The following SHANK2 variants were observed in gnomAD, a reference collection of about 807,000 sequenced individuals.
The protein encoded by SHANK2 is SH3 and multiple ankyrin repeat domains protein 2.
SHANK2 carries 43 observed loss-of-function variants against 133.7 expected under a neutral mutation model. The ratio of observed to expected loss-of-function variants is 0.32; its 90% CI spans 0.25 to 0.41. The LOEUF (loss-of-function observed/expected upper bound fraction) is 0.41, where lower values mean the gene tolerates loss of function less well. Among genes scored for constraint, SHANK2 ranks in the 10% least tolerant of loss-of-function variants. SHANK2 has a pLI of 1.00. For missense variants in SHANK2, 1,994 were observed against 2,235.8 expected, an observed-to-expected ratio of 0.89 and a Z score of 2.18; for synonymous variants, 1,017 against 952.8, an observed-to-expected ratio of 1.07 and a Z score of -1.24.
At chr11:70,615,686 C>T (rs1376638244) in intron 17 of SHANK2, among the ~76,000 whole-genome samples, 1 of 152,204 alleles carries the variant, frequency 6.6e-6, no homozygotes, top group African/African-American at 2.4e-5. Context: ...GGGCGGCTGG[C>T]TCACCAGGCT....
intron 1 of SHANK2, among the ~76,000 whole-genome samples, chr11:71,230,185 G>A (rs1954718464): frequency 6.6e-6 from 1 of 152,112 alleles, no homozygotes. Context: ...AGCTACTTGG[G>A]AGGCGGAGGC....
At chr11:70,491,269 T>G (rs905770716) in intron 22 of SHANK2, among the ~76,000 whole-genome samples, 1 of 152,232 alleles carries the variant, frequency 6.6e-6, no homozygotes, top group African/African-American at 2.4e-5. Context: ...CAGCCTCTGT[T>G]TGTCTCACTC....
intron 14 of SHANK2, among the ~76,000 whole-genome samples, chr11:70,787,370 A>C (rs1947689447): frequency 6.7e-6 from 1 of 150,110 alleles, no homozygotes; most frequent in African/African-American, 2.5e-5. Context: ...CAGCATCACC[A>C]TGACCACCAC....
chr11:70,548,515 G>A (rs2059724460), intron 17 of SHANK2, among the ~76,000 whole-genome samples: 1 of 152,182 alleles, frequency 6.6e-6, no homozygotes, highest in African/African-American at 2.4e-5. Context: ...GCCGGCGCCT[G>A]TGCCCGGACA....
chr11:70,797,946 G>A (rs1555049538), intron 14 of SHANK2, among the ~76,000 whole-genome samples: 2 of 151,502 alleles, frequency 1.3e-5, no homozygotes, highest in South Asian at 2.1e-4. Flanking sequence ...ATTTTGAAAC[G>A]ATTTTCAGCA....
chr11:71,146,174 G>A (rs1210176358), intron 3 of SHANK2, among the ~76,000 whole-genome samples: 4 of 152,150 alleles, frequency 2.6e-5, no homozygotes, highest in Non-Finnish European at 4.4e-5. Flanking sequence ...TCTGCTCCAC[G>A]CTTCCAGCTC....
At chr11:70,786,005 G>C (rs1947646238) in intron 14 of SHANK2, among the ~76,000 whole-genome samples, 1 of 152,088 alleles carries the variant, frequency 6.6e-6, no homozygotes, top group South Asian at 2.1e-4. Flanking sequence ...GATGGGCCCG[G>C]GACCAGACCT....
intron 25 of SHANK2, among the ~76,000 whole-genome samples, chr11:70,482,942 C>T (rs1555152084): frequency 1.3e-5 from 2 of 152,158 alleles, no homozygotes; most frequent in East Asian, 1.9e-4. Flanking sequence ...AGCCTGAAGA[C>T]GAGTAGAGGG....
intron 1 of SHANK2, among the ~76,000 whole-genome samples, chr11:71,244,179 T>C (rs1210137857): frequency 6.6e-6 from 1 of 152,172 alleles, no homozygotes; most frequent in Non-Finnish European, 1.5e-5. Flanking sequence ...TCTCCTAAAC[T>C]GCCTTAGGCT....
In SHANK2 at chr11:70,638,478, C is replaced by T. The variant is rs562294459; in HGVS notation, c.2061+21350G>A. ...ACCTTCCCTGGGCCAGCCTGACCCC[C>T]GGCTCCTCTGATCCTCTCTGCTTTA... On this transcript the variant is annotated intron_variant, in intron 17 of 25. Transcript: ENST00000601538. Among the ~76,000 whole-genome samples, 27 of 152,296 alleles carry T rather than the reference C, an allele frequency of 1.8e-4. 1 individual carries two copies. The South Asian group carries it at 3.5e-3, about 20-fold the overall frequency.
intron 17 of SHANK2, among the ~76,000 whole-genome samples, chr11:70,560,173 G>C (rs1244301815): frequency 2.6e-5 from 4 of 152,066 alleles, no homozygotes; most frequent in Non-Finnish European, 5.9e-5. Context: ...TGCTCGGCTT[G>C]GGGTTGTATT....
chr11:71,078,816 T>C (rs949202139), intron 8 of SHANK2, among the ~76,000 whole-genome samples: 4 of 152,222 alleles, frequency 2.6e-5, no homozygotes, highest in South Asian at 2.1e-4. Flanking sequence ...AAAGTGGGTA[T>C]AAATGTGAGT....
intron 10 of SHANK2, 97 bp from the exon 11 acceptor site, chr11:70,896,664 T>C (rs1949939340): frequency 1.5e-6 from 1 of 662,830 alleles, no homozygotes; most frequent in Admixed American, 2.3e-5. Context: ...CCAAAAGAAG[T>C]CCAATCAGAA....
intron 4 of SHANK2, among the ~76,000 whole-genome samples, chr11:71,115,052 A>G (rs1951953436): frequency 6.6e-6 from 1 of 152,084 alleles, no homozygotes; most frequent in South Asian, 2.1e-4. Context: ...AGCCCACCAT[A>G]TTGTGCTGAA....
intron 17 of SHANK2, among the ~76,000 whole-genome samples, chr11:70,658,246 G>C (rs10793237): frequency 6.3e-3 from 766 of 121,596 alleles, no homozygotes; most frequent in Middle Eastern, 8.9e-3. Context: ...CACACACACA[G>C]ACACACACAC....
intron 11 of SHANK2, among the ~76,000 whole-genome samples, chr11:70,839,824 T>G (rs1340349619): frequency 6.6e-6 from 1 of 152,092 alleles, no homozygotes. Context: ...AAATGCACAT[T>G]TATATTTTGG....
chr11:71,065,601 G>C (rs1242359971), intron 9 of SHANK2, among the ~76,000 whole-genome samples: 2 of 137,738 alleles, frequency 1.5e-5, no homozygotes, highest in African/African-American at 2.8e-5. Flanking sequence ...GATGAGCAGT[G>C]AGTGGGGACG....
In SHANK2 at chr11:70,576,639, AAAAC is replaced by A. The variant is rs1190166638; in HGVS notation, c.2062-73712_2062-73709del. ...GCGACAGAGCGAGACTCCATCTCAA[AAAAC>A]AAACAAACAAACAAAAAACCCCACA... On this transcript the variant is annotated intron_variant, in intron 17 of 25. Transcript: ENST00000601538. Among the ~76,000 whole-genome samples, 7 of 152,204 alleles carry A rather than the reference AAAAC, an allele frequency of 4.6e-5. No individual in the cohort carries two copies. In the South Asian group the frequency reaches 1.5e-3, roughly 32 times the overall value.
At chr11:70,875,619 GGGAGGCCAAGGCA>G (rs1555071065) in intron 11 of SHANK2, among the ~76,000 whole-genome samples, 5 of 152,216 alleles carry the variant, frequency 3.3e-5, no homozygotes, top group African/African-American at 1.2e-4. Flanking sequence ...CCAACACTTT[GGGAGGCCAAGGCA>G]AGTGGATCAC....
Sources: allele counts gnomAD v4.1 joint callset (sites outside exome capture counted in the v4.1 genomes callset), GRCh38; gene constraint gnomAD v4.1.1; transcripts MANE v1.5; gene names NCBI Gene and HGNC (gene_info 2026-07-23, HGNC 2026-07-21).